B3GALT1: variants seen among roughly 807,000 people sequenced by gnomAD.
B3GALT1 encodes beta-1,3-galactosyltransferase 1.
B3GALT1 carries 10 observed loss-of-function variants against 23.2 expected under a neutral mutation model. The ratio of observed to expected loss-of-function variants is 0.43; its 90% CI spans 0.27 to 0.73. The LOEUF (loss-of-function observed/expected upper bound fraction) is 0.73, where lower values mean the gene tolerates loss of function less well. B3GALT1 is among the 30% of genes least tolerant of loss of function. The probability of loss-of-function intolerance (pLI) is 0.21; values close to 1 mark genes in which losing one functional copy is unlikely to be tolerated. For missense variants in B3GALT1, 299 were observed against 405.4 expected, an observed-to-expected ratio of 0.74 and a Z score of 2.25; for synonymous variants, 156 against 141.5, an observed-to-expected ratio of 1.10 and a Z score of -0.73.
chr2:167,325,556 T>A (rs979209634), intron 1 of B3GALT1, among the ~76,000 whole-genome samples: 1 of 151,932 alleles, frequency 6.6e-6, no homozygotes, highest in African/African-American at 2.4e-5. Flanking sequence ...TCCAGTCACC[T>A]CCCACCAGGC....
intron 3 of B3GALT1, among the ~76,000 whole-genome samples, chr2:167,781,230 C>A (rs1442890852): frequency 1.3e-5 from 2 of 152,108 alleles, no homozygotes; most frequent in Admixed American, 6.5e-5. Flanking sequence ...ACTCAGAGTT[C>A]TTTAATACTG....
intron 1 of B3GALT1, among the ~76,000 whole-genome samples, chr2:167,333,863 GA>G (rs1464805415): frequency 6.6e-6 from 1 of 152,080 alleles, no homozygotes; most frequent in Admixed American, 6.6e-5. Flanking sequence ...AAGGCTTAGA[GA>G]AAAAACAACC....
chr2:167,794,497 A>G (rs1688506921), intron 3 of B3GALT1, among the ~76,000 whole-genome samples: 1 of 152,212 alleles, frequency 6.6e-6, no homozygotes, highest in Non-Finnish European at 1.5e-5. Context: ...AAATTCCCTC[A>G]TTTAGCAGGA....
chr2:167,841,176 A>C (rs1689641446), intron 4 of B3GALT1, among the ~76,000 whole-genome samples: 1 of 142,728 alleles, frequency 7.0e-6, no homozygotes, highest in African/African-American at 3.0e-5. Flanking sequence ...AAAGTATAAT[A>C]ATAAATAAAT....
At chr2:167,772,356 G>A (rs984671626) in intron 3 of B3GALT1, among the ~76,000 whole-genome samples, 3 of 152,266 alleles carry the variant, frequency 2.0e-5, no homozygotes, top group Admixed American at 6.5e-5. Context: ...ATCTAATTTA[G>A]TTCTCATAAC....
intron 3 of B3GALT1, among the ~76,000 whole-genome samples, chr2:167,656,015 C>G (rs1183406076): frequency 6.6e-6 from 1 of 152,076 alleles, no homozygotes; most frequent in East Asian, 1.9e-4. Context: ...TCTGGAAGTC[C>G]TCGTCTCCTG....
chr2:167,427,005 G>A (rs1698632068), intron 1 of B3GALT1, among the ~76,000 whole-genome samples: 1 of 152,194 alleles, frequency 6.6e-6, no homozygotes, highest in African/African-American at 2.4e-5. Context: ...GTATGTCATA[G>A]AGTAGAATAT....
At chr2:167,381,801 T>G (rs746118085) in intron 1 of B3GALT1, among the ~76,000 whole-genome samples, 1 of 152,214 alleles carries the variant, frequency 6.6e-6, no homozygotes, top group Non-Finnish European at 1.5e-5. Context: ...TTTAAAGGTT[T>G]AAATAAAAAG....
intron 1 of B3GALT1, among the ~76,000 whole-genome samples, chr2:167,355,540 GAACT>G (rs1697387322): frequency 6.6e-6 from 1 of 152,026 alleles, no homozygotes; most frequent in Non-Finnish European, 1.5e-5. Context: ...TAAGGAATCT[GAACT>G]ATCTAGGCTA....
intron 2 of B3GALT1, among the ~76,000 whole-genome samples, chr2:167,588,779 TTA>T (rs536458522): frequency 2.0e-5 from 3 of 151,194 alleles, no homozygotes; most frequent in Non-Finnish European, 3.0e-5. Context: ...AAGAAAATGG[TTA>T]TATATATATA....
At chr2:167,441,072 G>C (rs1369136741) in intron 1 of B3GALT1, among the ~76,000 whole-genome samples, 1 of 152,206 alleles carries the variant, frequency 6.6e-6, no homozygotes, top group Non-Finnish European at 1.5e-5. Context: ...CTCAGGGACA[G>C]TGAACCTAGA....
chr2:167,612,854 A>G (rs1186311438), intron 2 of B3GALT1, among the ~76,000 whole-genome samples: 4 of 151,942 alleles, frequency 2.6e-5, no homozygotes, highest in African/African-American at 9.7e-5. Flanking sequence ...AACAGCTTCT[A>G]TTTTGGTTCA....
chr2:167,646,257 GT>G (rs1685747245), intron 2 of B3GALT1, among the ~76,000 whole-genome samples: 2 of 152,180 alleles, frequency 1.3e-5, no homozygotes. Context: ...GAACCAGCAG[GT>G]TGGGTAAAGG....
chr2:167,416,229 GA>G (rs1698469240), intron 1 of B3GALT1, among the ~76,000 whole-genome samples: 1 of 152,182 alleles, frequency 6.6e-6, no homozygotes, highest in Non-Finnish European at 1.5e-5. Flanking sequence ...TTTGGGGACA[GA>G]CTCAGGCCTG....
chr2:167,526,193 A>G (rs1291568160), intron 2 of B3GALT1, among the ~76,000 whole-genome samples: 2 of 152,104 alleles, frequency 1.3e-5, no homozygotes, highest in African/African-American at 4.8e-5. Flanking sequence ...GGTAACACAC[A>G]CACACACACA....
At chr2:167,357,797 G>T (rs1416978110) in intron 1 of B3GALT1, among the ~76,000 whole-genome samples, 2 of 152,144 alleles carry the variant, frequency 1.3e-5, no homozygotes. Flanking sequence ...TTTGGACACA[G>T]TTCATAGCTT....
At chr2:167,733,435 T>C (rs534155182) in intron 3 of B3GALT1, among the ~76,000 whole-genome samples, 6 of 152,098 alleles carry the variant, frequency 3.9e-5, no homozygotes, top group Non-Finnish European at 7.4e-5. Context: ...TTTTTTTAGC[T>C]CATCAGCTGT....
At chr2:167,674,072 G>T (rs1361790461) in intron 3 of B3GALT1, among the ~76,000 whole-genome samples, 1 of 152,036 alleles carries the variant, frequency 6.6e-6, no homozygotes. Flanking sequence ...ATTGCAACAA[G>T]TGGTCTCAGG....
intron 1 of B3GALT1, among the ~76,000 whole-genome samples, chr2:167,450,865 G>A (rs891439715): frequency 6.6e-6 from 1 of 151,962 alleles, no homozygotes. Flanking sequence ...ATAATCCCAA[G>A]CTTTTTGGAG....
Sources: gnomAD v4.1 joint callset for allele counts (sites outside exome capture counted in the v4.1 genomes callset) on GRCh38, gnomAD v4.1.1 for gene constraint, MANE v1.5 for transcripts, NCBI Gene and HGNC (gene_info 2026-07-23, HGNC 2026-07-21) for gene names.